PACSIN1: variants seen among roughly 807,000 people sequenced by gnomAD.
The protein encoded by PACSIN1 is protein kinase C and casein kinase substrate in neurons 1, also known as protein kinase C and casein kinase substrate in neurons protein 1.
A neutral mutation model predicts 59.5 loss-of-function variants in PACSIN1; 15 were observed. The observed-to-expected ratio is 0.25, with a 90% confidence interval of 0.17 to 0.39. The LOEUF (loss-of-function observed/expected upper bound fraction) is 0.39, where lower values mean the gene tolerates loss of function less well. PACSIN1 is among the 10% of genes least tolerant of loss of function. PACSIN1 has a pLI of 1.00. For synonymous variants in PACSIN1, 210 were observed against 220.6 expected (o/e 0.95, Z 0.42); for missense variants, 420 against 580.2 (o/e 0.72, Z 2.84).
intron 1 of PACSIN1, among the ~76,000 whole-genome samples, chr6:34,519,376 G>A (rs1161094019): frequency 6.6e-6 from 1 of 152,136 alleles, no homozygotes; most frequent in Non-Finnish European, 1.5e-5. Context: ...AGGCTCCCTG[G>A]GGACTGCCTG....
intron 1 of PACSIN1, among the ~76,000 whole-genome samples, chr6:34,474,305 G>T (rs954959594): frequency 5.9e-5 from 9 of 151,966 alleles, no homozygotes; most frequent in African/African-American, 2.2e-4. Flanking sequence ...CCCACTTCTT[G>T]TCACCTCCAT....
rs1444235099 is a variant in PACSIN1 at position 34,529,783 on chromosome 6, T to G, written c.730T>G (p.Phe244Val). The G allele has an allele frequency of 6.2e-7, 1 of 1,614,050 alleles. No homozygotes were observed. The highest frequency in any genetic ancestry group is 8.5e-7 in the Non-Finnish European group (1 of 1,179,988). ...GCAATTTGAGGAAAAGCGGCTGGTC[T>G]TCCTCAAGGAGGTGCTGCTGGACAT... ...CQQFEEKRLV[F>V]LKEVLLDIKR... The change falls in exon 6 of 10, where the codon TTC (phenylalanine) becomes GTC (valine). Residue 244 changes from phenylalanine to valine, a missense_variant. Coordinates refer to ENST00000244458, the MANE Select transcript of PACSIN1 (RefSeq NM_020804.5). The surrounding 1 kb of genome is among the most constrained non-coding windows in gnomAD (Gnocchi z 6.3).
rs1482700514 is a variant in PACSIN1, at chr6:34,529,903, G to T, written c.788+62G>T. ...AGCCAGCAGATGGTGTGACTGGCAT[G>T]CAGGGCATCCCAGCCCTCCATCACA... On this transcript the variant is annotated intron_variant, in intron 6 of 9. Coordinates refer to ENST00000244458, the MANE Select transcript of PACSIN1 (RefSeq NM_020804.5). The surrounding 1 kb of genome is among the most constrained non-coding windows in gnomAD (Gnocchi z 6.3). The T allele has an allele frequency of 2.0e-6, 3 of 1,537,572 alleles. No individual in the cohort carries two copies. Among genetic ancestry groups the T allele is most frequent in the Non-Finnish European group, 2.7e-6 (3 of 1,127,916 alleles).
In PACSIN1 at chr6:34,479,320, C is replaced by T. The variant is rs182222763; in HGVS notation, c.-64+13050C>T. Among the ~76,000 whole-genome samples the T allele has an allele frequency of 9.5e-4, 144 of 152,354 alleles. 1 individual carries two copies. The highest frequency in any genetic ancestry group is 3.3e-3 in the African/African-American group (138 of 41,580). On this transcript the variant is annotated intron_variant, in intron 1 of 9. Coordinates refer to ENST00000244458, the MANE Select transcript of PACSIN1 (RefSeq NM_020804.5). The stretch of plus-strand genomic sequence containing the variant: ...ACCTTTCCCCATCACAAGCCCCTCC[C>T]TCCCCCACTGGAACCCACCATTCTA...
Position 34,527,353 on chromosome 6 carries a change from G to C in PACSIN1, c.85G>C (p.Val29Leu). Residue 29 changes from valine to leucine, a missense_variant, in exon 3 of 10, where the codon GTG becomes CTG. Physicochemically the swap from Val to Leu is conservative, Grantham distance 32. Transcript: ENST00000244458. ...FWEVGNYKRTVKRIDDGHRLC... is the reference protein window; with the variant it reads ...FWEVGNYKRTLKRIDDGHRLC... ...CCAGGTGGGGAACTACAAGCGGACC[G>C]TGAAGCGCATCGATGACGGCCACCG... is the stretch of plus-strand genomic sequence containing the variant. 1.3e-6 allele frequency: 2 copies of C among 1,589,544 alleles called. No homozygotes were observed. The highest frequency in any genetic ancestry group is 1.7e-6 in the Non-Finnish European group (2 of 1,168,890).
intron 1 of PACSIN1, among the ~76,000 whole-genome samples, chr6:34,481,451 G>A (rs1015081036): frequency 7.9e-5 from 12 of 152,180 alleles, no homozygotes; most frequent in African/African-American, 2.9e-4. Context: ...GGGAGGCCGA[G>A]GCGGGAGGAT....
intron 1 of PACSIN1, among the ~76,000 whole-genome samples, chr6:34,490,116 G>T (rs1258046424): frequency 1.3e-5 from 2 of 151,812 alleles, no homozygotes; most frequent in East Asian, 3.9e-4. Flanking sequence ...AGTGTGATCA[G>T]GGCTCACTGA....
At chr6:34,528,993 GC>G in intron 4 of PACSIN1, 116 bp downstream of exon 4, 1 of 777,992 alleles carries the variant, frequency 1.3e-6, no homozygotes, top group Non-Finnish European at 2.1e-6. Flanking sequence ...CTGGGATTGT[GC>G]CCACAGGGGA....
intron 1 of PACSIN1, among the ~76,000 whole-genome samples, chr6:34,509,311 T>G (rs1227536005): frequency 4.6e-5 from 7 of 152,232 alleles, no homozygotes; most frequent in Non-Finnish European, 7.3e-5. Flanking sequence ...CTTGGCACCC[T>G]CACTGAAGAT....
At chr6:34,483,852 T>G (rs1214151296) in intron 1 of PACSIN1, among the ~76,000 whole-genome samples, 1 of 151,854 alleles carries the variant, frequency 6.6e-6, no homozygotes, top group Non-Finnish European at 1.5e-5. Flanking sequence ...TTTCTCCATG[T>G]TGGCCAGGCT....
In PACSIN1 at chr6:34,528,627, T is replaced by C. The variant is rs1189745884; in HGVS notation, c.221-15T>C. On this transcript the variant is annotated splice_polypyrimidine_tract_variant and intron_variant, in intron 3 of 9. Coordinates refer to ENST00000244458, the MANE Select transcript of PACSIN1 (RefSeq NM_020804.5). ...GGGGCAATGAGGTTCTTGTGACCTATTGCCATTCCCTCAGGCCCACAGTAT... is the reference window on the plus strand; with the variant it reads ...GGGGCAATGAGGTTCTTGTGACCTACTGCCATTCCCTCAGGCCCACAGTAT... 12 of 1,603,142 alleles carry C rather than the reference T, an allele frequency of 7.5e-6. No individual in the cohort carries two copies. Among genetic ancestry groups the C allele is most frequent in the Non-Finnish European group, 1.0e-5 (12 of 1,170,502 alleles).
chr6:34,503,419 C>CT (rs1356111145), intron 1 of PACSIN1, among the ~76,000 whole-genome samples: 2 of 152,192 alleles, frequency 1.3e-5, no homozygotes, highest in Non-Finnish European at 2.9e-5. Flanking sequence ...GAGGAAAGTG[C>CT]TTTGTGAATC....
At chr6:34,474,958 A>G (rs1183561884) in intron 1 of PACSIN1, among the ~76,000 whole-genome samples, 1 of 151,908 alleles carries the variant, frequency 6.6e-6, no homozygotes, top group African/African-American at 2.4e-5. Flanking sequence ...CCTATTCCCT[A>G]TGCCTGGAAT....
At chr6:34,523,489 T>A (rs780989170) in intron 1 of PACSIN1, among the ~76,000 whole-genome samples, 10 of 152,210 alleles carry the variant, frequency 6.6e-5, no homozygotes, top group Non-Finnish European at 1.3e-4. Context: ...ATGTGCCCAA[T>A]CAATGCCAGC....
Position 34,531,560 on chromosome 6 carries a change from C to T in PACSIN1, c.1038-40C>T, listed in dbSNP as rs748671802. On this transcript the variant is annotated intron_variant, in intron 8 of 9. Transcript: ENST00000244458. The surrounding 1 kb of genome is among the most constrained non-coding windows in gnomAD (Gnocchi z 4.4). Reference sequence around the variant, plus strand: ...AGCGGTTAGCCCTCGGGATGCGGTACGGGGAGACATTGAAGCTGGCTCCTT... The same window carrying T: ...AGCGGTTAGCCCTCGGGATGCGGTATGGGGAGACATTGAAGCTGGCTCCTT... 14 of 1,600,224 alleles carry T rather than the reference C, an allele frequency of 8.7e-6. No individual in the cohort carries two copies. The highest frequency in any genetic ancestry group is 2.2e-5 in the East Asian group (1 of 44,704).
intron 1 of PACSIN1, among the ~76,000 whole-genome samples, chr6:34,499,163 CAG>C (rs1440818364): frequency 2.6e-5 from 4 of 151,958 alleles, no homozygotes; most frequent in African/African-American, 4.8e-5. Context: ...GAGACAGTGA[CAG>C]ATCATCAGGC....
chr6:34,505,993 A>G (rs145113263), intron 1 of PACSIN1, among the ~76,000 whole-genome samples: 78 of 152,148 alleles, frequency 5.1e-4, no homozygotes, highest in African/African-American at 1.8e-3. Context: ...CTAAAATTCT[A>G]TCAGTTTGGT....
intron 1 of PACSIN1, among the ~76,000 whole-genome samples, chr6:34,523,645 G>A (rs1767435564): frequency 6.6e-6 from 1 of 152,220 alleles, no homozygotes; most frequent in Non-Finnish European, 1.5e-5. Flanking sequence ...AGTGCCAGGT[G>A]ACAGCCACAT....
At chr6:34,494,335 A>C (rs1436232263) in intron 1 of PACSIN1, among the ~76,000 whole-genome samples, 1 of 152,078 alleles carries the variant, frequency 6.6e-6, no homozygotes, top group African/African-American at 2.4e-5. Flanking sequence ...TCTGTGCTTA[A>C]ATGTTAGACC....
Sources: allele counts gnomAD v4.1 joint callset (sites outside exome capture counted in the v4.1 genomes callset), GRCh38; gene constraint gnomAD v4.1.1; non-coding constraint Gnocchi (gnomAD v3.1); transcripts MANE v1.5; gene names NCBI Gene and HGNC (gene_info 2026-07-23, HGNC 2026-07-21).